Variants in COL5A1 observed in about 807,000 individuals in gnomAD.
COL5A1 encodes collagen type V alpha 1 chain.
A neutral mutation model predicts 263.7 loss-of-function variants in COL5A1; 16 were observed. The ratio of observed to expected loss-of-function variants is 0.06; its 90% CI spans 0.04 to 0.09. The LOEUF (loss-of-function observed/expected upper bound fraction) is 0.09, where lower values mean the gene tolerates loss of function less well. Among genes scored for constraint, COL5A1 ranks in the 10% least tolerant of loss-of-function variants. COL5A1 has a pLI of 1.00. For synonymous variants in COL5A1, 1,012 were observed against 1,004.5 expected (o/e 1.01, Z -0.14); for missense variants, 2,036 against 2,540.5 (o/e 0.80, Z 4.27).
intron 37 of COL5A1, among the ~76,000 whole-genome samples, chr9:134,799,589 A>T (rs1838036034): frequency 6.6e-6 from 1 of 152,186 alleles, no homozygotes; most frequent in Non-Finnish European, 1.5e-5. Flanking sequence ...CCCCTCGTGG[A>T]ATGGGTCTCT....
In COL5A1 at chr9:134,668,780, A is replaced by C. The variant is rs541039559; in HGVS notation, c.110-22132A>C. On this transcript the variant is annotated intron_variant, in intron 1 of 65. Transcript: ENST00000371817. The stretch of plus-strand genomic sequence containing the variant: ...ATTTGTCCATACTCCATGTGTCCAT[A>C]TACTCATGTACCCATTCACTGTTCA... Among the ~76,000 whole-genome samples, 6 of 152,036 alleles carry C rather than the reference A, an allele frequency of 3.9e-5. No homozygotes were observed. In the South Asian group the frequency reaches 1.2e-3, roughly 32 times the overall value.
At chr9:134,827,812 G>A (rs1402194001) in intron 63 of COL5A1, among the ~76,000 whole-genome samples, 15 of 152,242 alleles carry the variant, frequency 9.9e-5, no homozygotes, top group South Asian at 6.2e-4. Context: ...GGGGGAGCCC[G>A]CGCTTGCCCA....
rs747197378 is a variant in COL5A1 at position 134,719,721 on chromosome 9, C to T, written c.655-7545C>T. On this transcript the variant is annotated intron_variant, in intron 4 of 65. Transcript: ENST00000371817. ...CCTCTGCCTTTCCAGGGCAAGGGGGCGGCTCAGGAAGTAGGCGGCTGCCAT... is the reference window on the plus strand; with the variant it reads ...CCTCTGCCTTTCCAGGGCAAGGGGGTGGCTCAGGAAGTAGGCGGCTGCCAT... Among the ~76,000 whole-genome samples, 33 of 152,246 alleles carry T rather than the reference C, an allele frequency of 2.2e-4. 1 individual carries two copies. The highest frequency in any genetic ancestry group is 3.8e-4 in the Non-Finnish European group (26 of 68,012).
rs151199955 is a variant in COL5A1, at chr9:134,760,705, ACC to A, written c.1936-1218_1936-1217del. On this transcript the variant is annotated intron_variant, in intron 18 of 65. Coordinates refer to ENST00000371817, the MANE Select transcript of COL5A1 (RefSeq NM_000093.5). ...CCCACACTCATACATGCACACACACACCCACACACCCATACACACATGCACAC... is the reference window on the plus strand; with the variant it reads ...CCCACACTCATACATGCACACACACACACACACCCATACACACATGCACAC... Among the ~76,000 whole-genome samples the A allele has an allele frequency of 3.9e-4, 49 of 127,054 alleles. 1 individual carries two copies. In the East Asian group the frequency reaches 0.011, roughly 30 times the overall value. 83.4% of individuals were successfully genotyped at this position (127,054 alleles called of 152,430 possible). A position where few individuals can be genotyped will look rare whatever the true frequency, so the allele number is the denominator to read the frequency against.
In COL5A1 at chr9:134,780,158, C is replaced by T; in HGVS notation, c.2430+12C>T. 2 of 1,613,200 alleles carry T rather than the reference C, an allele frequency of 1.2e-6. No homozygotes were observed. Among genetic ancestry groups the T allele is most frequent in the Non-Finnish European group, 1.7e-6 (2 of 1,179,980 alleles). ...CAAAGGGCGAGAAGGTAAGTCTCTCCTTGCAGCCACGGGGCCCCCTGCTTA... is the reference window on the plus strand; with the variant it reads ...CAAAGGGCGAGAAGGTAAGTCTCTCTTTGCAGCCACGGGGCCCCCTGCTTA... On this transcript the variant is annotated intron_variant, in intron 28 of 65. Coordinates refer to ENST00000371817, the MANE Select transcript of COL5A1 (RefSeq NM_000093.5).
At chr9:134,784,955 G>GGGGGCC in intron 29 of COL5A1, 34 bp from the exon 30 acceptor site, 2 of 1,502,000 alleles carry the variant, frequency 1.3e-6, no homozygotes, top group Non-Finnish European at 1.9e-6. Flanking sequence ...TGTGCGGGGG[G>GGGGGCC]TGGTCTTCTC....
rs150946982 is a variant in COL5A1 at position 134,809,994 on chromosome 9, A to G, written c.3475-261A>G. Among the ~76,000 whole-genome samples the G allele has an allele frequency of 4.8e-3, 730 of 152,376 alleles. 1 individual carries two copies. The highest frequency in any genetic ancestry group is 0.014 in the Middle Eastern group (4 of 294). On this transcript the variant is annotated intron_variant, in intron 43 of 65. Coordinates refer to ENST00000371817, the MANE Select transcript of COL5A1 (RefSeq NM_000093.5). ...AGTGGCCCAATTTGAAAAACAGAGT[A>G]AATATTTTCAATATGACTTTTCCCA...
Position 134,642,378 on chromosome 9 carries a change from C to A in COL5A1, c.109+82C>A. 1 of 298,476 alleles carries A rather than the reference C, an allele frequency of 3.4e-6. No individual in the cohort carries two copies. The highest frequency in any genetic ancestry group is 1.4e-4 in the South Asian group (1 of 7,256). The allele number at this position is 298,476 out of a possible 1,614,324, so 18.5% of individuals were successfully genotyped here. On this transcript the variant is annotated intron_variant, in intron 1 of 65. Transcript: ENST00000371817. The surrounding 1 kb of genome is among the most constrained non-coding windows in gnomAD (Gnocchi z 4.5). ...GCTGTCATCCCCGGGCGCCTTCGCCCGCAGAACTTTTCTTCCTTGGCCTGT... is the reference window on the plus strand; with the variant it reads ...GCTGTCATCCCCGGGCGCCTTCGCCAGCAGAACTTTTCTTCCTTGGCCTGT...
intron 4 of COL5A1, among the ~76,000 whole-genome samples, chr9:134,718,100 T>C (rs985899457): frequency 6.6e-6 from 1 of 152,182 alleles, no homozygotes; most frequent in Non-Finnish European, 1.5e-5. Context: ...AATGAAAACT[T>C]TGCAGTTTCC....
At position 134,842,439 on chromosome 9, in the gene COL5A1, C is replaced by T. The variant is rs560249243; in HGVS notation, c.*136C>T. ...CTCCCACCTGACTTCATCTACGCCT[C>T]GGCACCACGGGGTGTGGGACCCCAG... On this transcript the variant is annotated 3_prime_UTR_variant, in exon 66 of 66. Transcript: ENST00000371817. The surrounding 1 kb of genome is among the most constrained non-coding windows in gnomAD (Gnocchi z 5.8). 16 of 1,081,784 alleles carry T rather than the reference C, an allele frequency of 1.5e-5. No individual in the cohort carries two copies. The highest frequency in any genetic ancestry group is 4.2e-5 in the South Asian group (3 of 71,370). The allele number at this position is 1,081,784 out of a possible 1,614,324, so 67.0% of individuals were successfully genotyped here. A position where few individuals can be genotyped will look rare whatever the true frequency, so the allele number is the denominator to read the frequency against.
chr9:134,748,142 C>T (rs1835633987), intron 11 of COL5A1, among the ~76,000 whole-genome samples: 1 of 144,052 alleles, frequency 6.9e-6, no homozygotes, highest in African/African-American at 2.6e-5. Flanking sequence ...CATGCATACA[C>T]ATGCATTCAC....
intron 65 of COL5A1, among the ~76,000 whole-genome samples, chr9:134,838,577 G>A (rs1243389443): frequency 6.6e-6 from 1 of 152,122 alleles, no homozygotes; most frequent in Non-Finnish European, 1.5e-5. Context: ...GGAGACCCTG[G>A]CTCACTCTCT....
At chr9:134,801,430 T>C (rs1335930051) in intron 37 of COL5A1, among the ~76,000 whole-genome samples, 1 of 152,190 alleles carries the variant, frequency 6.6e-6, no homozygotes, top group Non-Finnish European at 1.5e-5. Context: ...GCGAATCGCG[T>C]CGGCCTAAAG....
At chr9:134,790,896 G>A (rs1451039173) in intron 32 of COL5A1, among the ~76,000 whole-genome samples, 3 of 152,090 alleles carry the variant, frequency 2.0e-5, no homozygotes, top group African/African-American at 7.2e-5. Flanking sequence ...GAGAGGATAT[G>A]GCCTTCTGCA....
intron 2 of COL5A1, among the ~76,000 whole-genome samples, chr9:134,697,189 G>A (rs1040988030): frequency 5.9e-5 from 9 of 152,086 alleles, no homozygotes; most frequent in East Asian, 5.8e-4. Flanking sequence ...CAGAGTGCCC[G>A]GACAGCGTAG....
At chr9:134,645,515 T>G (rs553221000) in intron 1 of COL5A1, among the ~76,000 whole-genome samples, 1 of 152,366 alleles carries the variant, frequency 6.6e-6, no homozygotes, top group East Asian at 1.9e-4. Flanking sequence ...GTGCAGGACC[T>G]GTCCCTGCTC....
intron 4 of COL5A1, chr9:134,708,865 G>C (rs1237025641): frequency 1.3e-5 from 6 of 456,422 alleles, no homozygotes; most frequent in Non-Finnish European, 2.6e-5. Context: ...AGCTTCCAGC[G>C]GGGGACTCTG....
intron 4 of COL5A1, among the ~76,000 whole-genome samples, chr9:134,719,024 C>G (rs538575229): frequency 6.6e-6 from 1 of 152,312 alleles, no homozygotes; most frequent in African/African-American, 2.4e-5. Flanking sequence ...CTGAGGATAT[C>G]TGACATGTCA....
chr9:134,748,177 C>T (rs1289612540), intron 11 of COL5A1, among the ~76,000 whole-genome samples: 1 of 151,412 alleles, frequency 6.6e-6, no homozygotes, highest in Non-Finnish European at 1.5e-5. Flanking sequence ...CACACACATG[C>T]ATTCATGCAT....
Sources: allele counts gnomAD v4.1 joint callset (sites outside exome capture counted in the v4.1 genomes callset), GRCh38; gene constraint gnomAD v4.1.1; non-coding constraint Gnocchi (gnomAD v3.1); transcripts MANE v1.5; gene names NCBI Gene and HGNC (gene_info 2026-07-23, HGNC 2026-07-21).